Variants in JCAD observed in about 807,000 individuals in gnomAD.
JCAD encodes junctional cadherin 5 associated, also known as junctional cadherin 5-associated protein.
Under a neutral mutation model 98.0 loss-of-function variants are expected in JCAD, and 40 were observed. The ratio of observed to expected loss-of-function variants is 0.41; its 90% CI spans 0.32 to 0.53. JCAD has a LOEUF of 0.53. JCAD is among the 20% of genes least tolerant of loss of function. The pLI is 0.31. For missense variants in JCAD, 1,705 were observed against 1,738.1 expected (o/e 0.98, Z 0.34); for synonymous variants, 691 against 682.3 (o/e 1.01, Z -0.20).
At chr10:30,050,388 G>C (rs569552031) in intron 1 of JCAD, among the ~76,000 whole-genome samples, 2 of 146,554 alleles carry the variant, frequency 1.4e-5, no homozygotes, top group Admixed American at 1.4e-4. Flanking sequence ...AATCCTGGCA[G>C]ACTAGAACAA....
chr10:30,044,232 G>A (rs1250044559), intron 2 of JCAD, among the ~76,000 whole-genome samples: 1 of 152,140 alleles, frequency 6.6e-6, no homozygotes, highest in Non-Finnish European at 1.5e-5. Flanking sequence ...AGCACACATT[G>A]GATGAATGCA....
rs184216138 is a variant in JCAD at position 30,026,927 on chromosome 10, A to G, written c.3221T>C (p.Ile1074Thr). The G allele has an allele frequency of 9.2e-4, 1,479 of 1,613,912 alleles. 9 individuals carry two copies. The East Asian group carries it at 0.015, about 16-fold the overall frequency. Reference protein sequence around the residue: ...LEGSLGEASTIEIPPGESLQA... With the variant: ...LEGSLGEASTTEIPPGESLQA... ...CAAGGACTCACCTGGGGGGATTTCT[A>G]TTGTGCTTGCTTCACCCAAAGACCC... Residue 1074 changes from isoleucine (I) to threonine (T), a missense_variant, in exon 3 of 4, where the codon ATA becomes ACA. Ile to Thr is a moderately conservative substitution (Grantham distance 89, BLOSUM62 -1). Transcript: ENST00000375377.
chr10:30,039,921 T>A (rs1047136899), intron 2 of JCAD, among the ~76,000 whole-genome samples: 2 of 152,174 alleles, frequency 1.3e-5, no homozygotes, highest in African/African-American at 4.8e-5. Context: ...AGGAATGAAA[T>A]GAGATGATAC....
chr10:30,019,949 A>G (rs889540606), intron 3 of JCAD, among the ~76,000 whole-genome samples: 2 of 152,130 alleles, frequency 1.3e-5, no homozygotes, highest in Non-Finnish European at 2.9e-5. Context: ...AAAGGAAAAA[A>G]AACAGCAAGT....
intron 1 of JCAD, among the ~76,000 whole-genome samples, chr10:30,096,660 A>G (rs80224109): frequency 0.01 from 1,527 of 150,690 alleles, 28 homozygotes; most frequent in African/African-American, 0.036. Flanking sequence ...TTGTGCCAAC[A>G]TCTCAGGTCC....
intron 1 of JCAD, among the ~76,000 whole-genome samples, chr10:30,075,890 C>T (rs980109364): frequency 2.0e-5 from 3 of 152,206 alleles, no homozygotes; most frequent in Admixed American, 1.3e-4. Context: ...GCTGTATCCT[C>T]ACTGTATTAT....
At chr10:30,114,509 G>C (rs780118748) in intron 1 of JCAD, among the ~76,000 whole-genome samples, 14 of 147,890 alleles carry the variant, frequency 9.5e-5, no homozygotes, top group Non-Finnish European at 2.1e-4. Flanking sequence ...ACCTGGTCCA[G>C]CCACAATGAG....
At chr10:30,063,488 C>T (rs539529538), upstream of JCAD, among the ~76,000 whole-genome samples, 1 of 152,168 alleles carries the variant, frequency 6.6e-6, no homozygotes, top group Non-Finnish European at 1.5e-5. Context: ...TCCCTCCCTG[C>T]TTTAGGGCCC....
chr10:30,040,791 G>A (rs1392485978), intron 2 of JCAD, among the ~76,000 whole-genome samples: 2 of 152,268 alleles, frequency 1.3e-5, no homozygotes, highest in African/African-American at 2.4e-5. Flanking sequence ...TGTCGAGAAC[G>A]CAGAGGCACA....
rs1031830263 is a variant in JCAD at position 30,074,635 on chromosome 10, AG to A, written n.129-4815del. Among the ~76,000 whole-genome samples the A allele has an allele frequency of 5.9e-5, 9 of 152,362 alleles. No individual in the cohort carries two copies. In the East Asian group the frequency reaches 1.2e-3, roughly 20 times the overall value. On this transcript the variant is annotated intron_variant and non_coding_transcript_variant, in intron 1 of 2. Transcript: ENST00000465712. ...CTATAGATGAAAGGAGAATTCAAAA[AG>A]GGTCTGGAAGACGTGGTTACACTCC... is the stretch of plus-strand genomic sequence containing the variant.
chr10:30,062,487 G>A (rs1837714997), upstream of JCAD, among the ~76,000 whole-genome samples: 1 of 152,170 alleles, frequency 6.6e-6, no homozygotes, highest in African/African-American at 2.4e-5. Context: ...AAGGTGGAAA[G>A]CTTTTCTAAA....
chr10:30,112,930 T>C (rs1838731437), intron 1 of JCAD, among the ~76,000 whole-genome samples: 1 of 151,322 alleles, frequency 6.6e-6, no homozygotes, highest in Admixed American at 6.6e-5. Context: ...TCCCTGGAGC[T>C]TGGGAAAGAG....
intron 1 of JCAD, among the ~76,000 whole-genome samples, chr10:30,099,595 G>T (rs1245972390): frequency 1.3e-5 from 2 of 151,906 alleles, no homozygotes; most frequent in South Asian, 4.2e-4. Flanking sequence ...TAACAGGAAG[G>T]GGTATAATAA....
chr10:30,076,027 G>T (rs890369695), intron 1 of JCAD, among the ~76,000 whole-genome samples: 1 of 151,844 alleles, frequency 6.6e-6, no homozygotes, highest in African/African-American at 2.4e-5. Context: ...TTCAAACAGG[G>T]ACTTTTTTTT....
chr10:30,068,146 C>T (rs985742477), intron 2 of JCAD, among the ~76,000 whole-genome samples: 6 of 151,940 alleles, frequency 3.9e-5, no homozygotes, highest in Admixed American at 2.6e-4. Context: ...CGTAGCACTT[C>T]GGGGGGCCGA....
intron 1 of JCAD, among the ~76,000 whole-genome samples, chr10:30,075,655 A>C (rs757581770): frequency 6.6e-6 from 1 of 152,232 alleles, no homozygotes; most frequent in East Asian, 1.9e-4. Flanking sequence ...CACATCAGAA[A>C]TGCCAAACAT....
At chr10:30,047,356 A>G (rs113161322) in intron 2 of JCAD, among the ~76,000 whole-genome samples, 176 bp downstream of exon 2, 2,411 of 152,342 alleles carry the variant, frequency 0.016, 42 homozygotes, top group South Asian at 0.062. Context: ...ACGACAGAGC[A>G]AGACTCCGTC....
chr10:30,088,339 G>A (rs796386909), intron 1 of JCAD, among the ~76,000 whole-genome samples: 1 of 152,198 alleles, frequency 6.6e-6, no homozygotes, highest in South Asian at 2.1e-4. Flanking sequence ...AGCTAAAACA[G>A]TCACCCTAGG....
Position 30,029,057 on chromosome 10 carries a change from A to G in JCAD, c.1091T>C (p.Ile364Thr). The change falls in exon 3 of 4, where the codon ATA becomes ACA. Residue 364 changes from isoleucine to threonine, a missense_variant. Ile to Thr is a moderately conservative substitution (Grantham distance 89, BLOSUM62 -1). Transcript: ENST00000375377. ...PNPYLEDTVP[I>T]NVCGGHSQQQ... Reference sequence around the variant, plus strand: ...TTGACTGTGACCGCCACACACATTTATGGGCACCGTGTCTTCCAAGTAGGG... The same window carrying G: ...TTGACTGTGACCGCCACACACATTTGTGGGCACCGTGTCTTCCAAGTAGGG... The G allele has an allele frequency of 1.9e-6, 3 of 1,614,044 alleles. No homozygotes were observed. Among genetic ancestry groups the G allele is most frequent in the Non-Finnish European group, 2.5e-6 (3 of 1,180,012 alleles).
Sources: allele counts gnomAD v4.1 joint callset (sites outside exome capture counted in the v4.1 genomes callset), GRCh38; gene constraint gnomAD v4.1.1; transcripts MANE v1.5; gene names NCBI Gene and HGNC (gene_info 2026-07-23, HGNC 2026-07-21).